The following SCHIP1 variants were observed in gnomAD, a reference collection of about 807,000 sequenced individuals.
SCHIP1 encodes schwannomin-interacting protein 1.
A neutral mutation model predicts 29.7 loss-of-function variants in SCHIP1; 8 were observed. The ratio of observed to expected loss-of-function variants is 0.27; its 90% confidence interval spans 0.16 to 0.49. SCHIP1 has a LOEUF of 0.49. SCHIP1 is among the 20% of genes least tolerant of loss of function. The pLI is 0.99. For missense variants in SCHIP1, 193 were observed against 294.6 expected, an observed-to-expected ratio of 0.66 and a Z score of 2.52; for synonymous variants, 76 against 94.9, an observed-to-expected ratio of 0.80 and a Z score of 1.16.
upstream of SCHIP1, among the ~76,000 whole-genome samples, chr3:159,837,298 C>A (rs1357185871): frequency 6.6e-6 from 1 of 152,134 alleles, no homozygotes; most frequent in African/African-American, 2.4e-5. Context: ...GTTTTAACTG[C>A]CTTTGAAGTT....
At chr3:159,825,137 G>A in the SCHIP1 span, among the ~76,000 whole-genome samples, 1 of 152,024 alleles carries the variant, frequency 6.6e-6, no homozygotes, top group African/African-American at 2.4e-5. Context: ...TGTTTTGCTG[G>A]GCTATTTCTG....
the SCHIP1 span, among the ~76,000 whole-genome samples, chr3:159,310,023 C>G: frequency 5.9e-5 from 9 of 152,260 alleles, no homozygotes; most frequent in East Asian, 1.4e-3. Context: ...AATATAAAAT[C>G]CAGGGTTCAG....
intron 2 of SCHIP1, among the ~76,000 whole-genome samples, chr3:159,878,240 G>T (rs1716041713): frequency 6.6e-6 from 1 of 152,150 alleles, no homozygotes; most frequent in Non-Finnish European, 1.5e-5. Context: ...CACTTTGGGA[G>T]GCCAAGGCAG....
chr3:159,739,245 GA>G, the SCHIP1 span, among the ~76,000 whole-genome samples: 2 of 152,212 alleles, frequency 1.3e-5, no homozygotes, highest in Non-Finnish European at 2.9e-5. Context: ...GCCAGGCTAA[GA>G]AGTTTGATTT....
At chr3:159,315,409 T>A in the SCHIP1 span, among the ~76,000 whole-genome samples, 5 of 136,330 alleles carry the variant, frequency 3.7e-5, no homozygotes, top group African/African-American at 5.3e-5. Context: ...TTTTTTTTTT[T>A]AGTAGAGACA....
At chr3:159,776,332 CTTTTTTTT>C in the SCHIP1 span, among the ~76,000 whole-genome samples, 145 of 135,446 alleles carry the variant, frequency 1.1e-3, 1 homozygote, top group East Asian at 0.02. Flanking sequence ...AGTGTTCTGT[CTTTTTTTT>C]TTTTTTTTTT....
At chr3:159,332,635 C>G in the SCHIP1 span, among the ~76,000 whole-genome samples, 2 of 152,066 alleles carry the variant, frequency 1.3e-5, no homozygotes, top group Non-Finnish European at 2.9e-5. Context: ...CTATGACTTT[C>G]TAGTGGAATT....
the SCHIP1 span, chr3:159,763,885 T>C: frequency 2.4e-4 from 36 of 151,758 alleles, no homozygotes; most frequent in African/African-American, 7.2e-4. Context: ...AGCGGTTCCT[T>C]ACAAAGTAAA....
the SCHIP1 span, among the ~76,000 whole-genome samples, chr3:159,394,850 C>T: frequency 6.6e-6 from 1 of 152,008 alleles, no homozygotes; most frequent in East Asian, 1.9e-4. Context: ...AGGGAGGATT[C>T]CCTCTTTTTC....
the SCHIP1 span, among the ~76,000 whole-genome samples, chr3:159,759,888 G>C: frequency 1.8e-3 from 277 of 152,236 alleles, no homozygotes; most frequent in African/African-American, 6.2e-3. Flanking sequence ...CATACTCTTT[G>C]ATTCAAATAT....
the SCHIP1 span, among the ~76,000 whole-genome samples, chr3:159,472,351 T>C: frequency 6.6e-6 from 1 of 152,186 alleles, no homozygotes; most frequent in Non-Finnish European, 1.5e-5. Flanking sequence ...TGATAGCTCA[T>C]TAAATATCGA....
At chr3:159,785,563 G>A in the SCHIP1 span, among the ~76,000 whole-genome samples, 1 of 149,274 alleles carries the variant, frequency 6.7e-6, no homozygotes, top group Non-Finnish European at 1.5e-5. Context: ...ATCCTCTCAG[G>A]GCCATAGTTT....
the SCHIP1 span, among the ~76,000 whole-genome samples, chr3:159,734,787 CTT>C: frequency 0.028 from 3,078 of 110,394 alleles, 58 homozygotes; most frequent in African/African-American, 0.096. Flanking sequence ...CTTTTCTTGT[CTT>C]TTTTTTTTTT....
the SCHIP1 span, among the ~76,000 whole-genome samples, chr3:159,653,235 TG>T: frequency 6.6e-6 from 1 of 152,190 alleles, no homozygotes; most frequent in Non-Finnish European, 1.5e-5. Context: ...ATCCCATTAC[TG>T]GGAATATACA....
chr3:159,579,995 T>G, the SCHIP1 span, among the ~76,000 whole-genome samples: 1 of 152,316 alleles, frequency 6.6e-6, no homozygotes, highest in African/African-American at 2.4e-5. Flanking sequence ...TGTTCAGATT[T>G]CAGAAATATA....
At chr3:159,304,029 C>T in the SCHIP1 span, among the ~76,000 whole-genome samples, 3 of 142,826 alleles carry the variant, frequency 2.1e-5, no homozygotes, top group Non-Finnish European at 4.6e-5. Flanking sequence ...AACCCCACAG[C>T]AGGCCCCAGA....
the SCHIP1 span, among the ~76,000 whole-genome samples, chr3:159,701,980 T>C: frequency 1.3e-5 from 2 of 152,142 alleles, no homozygotes; most frequent in Non-Finnish European, 2.9e-5. Flanking sequence ...AAAATGTAGA[T>C]GATGATCATT....
At chr3:159,750,681 G>C in the SCHIP1 span, among the ~76,000 whole-genome samples, 1 of 152,164 alleles carries the variant, frequency 6.6e-6, no homozygotes, top group Non-Finnish European at 1.5e-5. Context: ...GGTAGGGTTG[G>C]GTGTATACAG....
chr3:159,507,034 T>C, the SCHIP1 span, among the ~76,000 whole-genome samples: 5 of 152,210 alleles, frequency 3.3e-5, no homozygotes, highest in Non-Finnish European at 7.3e-5. Flanking sequence ...GAGGATGGCA[T>C]TGAATCTATA....
Sources: allele counts gnomAD v4.1 joint callset (sites outside exome capture counted in the v4.1 genomes callset), GRCh38; gene constraint gnomAD v4.1.1; transcripts MANE v1.5; gene names NCBI Gene and HGNC (gene_info 2026-07-23, HGNC 2026-07-21).